Variants in RNF216 observed in about 807,000 individuals in gnomAD.
The protein encoded by RNF216 is ring finger protein 216, also known as E3 ubiquitin-protein ligase RNF216.
In RNF216, 72 loss-of-function variants were observed where a neutral mutation model predicts 110.8. The observed-to-expected ratio is 0.65, with a 90% CI of 0.54 to 0.79. The LOEUF is 0.79. Ranked by LOEUF, RNF216 falls within the 30% of genes least tolerant of loss-of-function variation. The probability of loss-of-function intolerance (pLI) is 0.00; values close to 1 mark genes in which losing one functional copy is unlikely to be tolerated. For synonymous variants in RNF216, 495 were observed against 407.5 expected, an observed-to-expected ratio of 1.21 and a Z score of -2.59; for missense variants, 1,342 against 1,141.2, an observed-to-expected ratio of 1.18 and a Z score of -2.54.
chr7:5,699,894 AG>A, intron 13 of RNF216, among the ~76,000 whole-genome samples: 1 of 152,354 alleles, frequency 6.6e-6, no homozygotes, highest in South Asian at 2.1e-4. Flanking sequence ...TCTCAAAGTC[AG>A]GGAAGACACT....
At chr7:5,661,749 G>A (rs1288025501) in intron 13 of RNF216, among the ~76,000 whole-genome samples, 1 of 152,182 alleles carries the variant, frequency 6.6e-6, no homozygotes, top group Non-Finnish European at 1.5e-5. Context: ...GTTGCAGTGA[G>A]CTGAGATTGT....
rs755049416 is a variant in RNF216, at chr7:5,635,290, CTTTTT to C, written c.2382+5859_2382+5863del. ...GATCACACCCACCCCACTAACTTCA[CTTTTT>C]TTTTTTTTTTTTTAACACACAATGA... On this transcript the variant is annotated intron_variant, in intron 15 of 16. Coordinates refer to ENST00000389902, the MANE Select transcript of RNF216 (RefSeq NM_207111.4). 4.4e-5 allele frequency among the ~76,000 whole-genome samples: 6 copies of C among 135,866 alleles called. No individual in the cohort carries two copies. The East Asian group carries it at 8.4e-4, about 19-fold the overall frequency. 89.1% of individuals were successfully genotyped at this position (135,866 alleles called of 152,430 possible). A position where few individuals can be genotyped will look rare whatever the true frequency, so the allele number is the denominator to read the frequency against.
chr7:5,660,833 G>C (rs2128585034), intron 13 of RNF216, among the ~76,000 whole-genome samples: 1 of 151,488 alleles, frequency 6.6e-6, no homozygotes, highest in Admixed American at 6.6e-5. Flanking sequence ...GCCTCCCAAA[G>C]TGCTGGGATT....
chr7:5,650,078 T>TGAATGTAGGAATGTGTCATCTCTATGAAG (rs1788294109), intron 14 of RNF216: 1 of 152,112 alleles, frequency 6.6e-6, no homozygotes, highest in South Asian at 2.1e-4. Flanking sequence ...AGAAATCCCT[T>TGAATGTAGGAATGTGTCATCTCTATGAAG]GAATGTAGGA....
At chr7:5,721,909 C>T (rs756676614) in intron 8 of RNF216, among the ~76,000 whole-genome samples, 3 of 152,190 alleles carry the variant, frequency 2.0e-5, no homozygotes, top group Non-Finnish European at 4.4e-5. Flanking sequence ...GTACTTGTTT[C>T]ACTGATTTGG....
At chr7:5,687,600 T>C (rs1791075076) in intron 13 of RNF216, among the ~76,000 whole-genome samples, 1 of 152,112 alleles carries the variant, frequency 6.6e-6, no homozygotes, top group South Asian at 2.1e-4. Context: ...CAAGCCTCTC[T>C]GCCTGCCCCT....
intron 13 of RNF216, among the ~76,000 whole-genome samples, chr7:5,707,351 T>C (rs1792359769): frequency 6.6e-6 from 1 of 152,334 alleles, no homozygotes; most frequent in East Asian, 1.9e-4. Context: ...CTTTACCCAC[T>C]CCTTGGTTAA....
chr7:5,632,638 G>A (rs750418086), intron 15 of RNF216, among the ~76,000 whole-genome samples: 1 of 152,122 alleles, frequency 6.6e-6, no homozygotes, highest in Non-Finnish European at 1.5e-5. Flanking sequence ...TTAGCCAGGC[G>A]TGGTGGTGGG....
At position 5,696,946 on chromosome 7, in the gene RNF216, G is replaced by A. The variant is rs1190232939; in HGVS notation, c.2061+14815C>T. 6.6e-6 allele frequency among the ~76,000 whole-genome samples: 1 copy of A among 152,064 alleles called. No homozygotes were observed. The highest frequency in any genetic ancestry group is 2.4e-5 in the African/African-American group (1 of 41,414). On this transcript the variant is annotated intron_variant, in intron 13 of 16. Transcript: ENST00000389902. This position sits in a 1 kb window ranked among gnomAD's most constrained non-coding sequence, Gnocchi z 5.4. ...ATCTACAAAATTCACCCTCCCACAA[G>A]CAGCATGTGATCCCACTGTGTCCCT...
chr7:5,760,230 G>A (rs1006617960), intron 2 of RNF216, among the ~76,000 whole-genome samples: 2 of 152,024 alleles, frequency 1.3e-5, no homozygotes, highest in Non-Finnish European at 2.9e-5. Context: ...AAAAACTGTA[G>A]AACAGTCTGG....
At chr7:5,664,636 G>T (rs908249911) in intron 13 of RNF216, among the ~76,000 whole-genome samples, 2 of 152,156 alleles carry the variant, frequency 1.3e-5, no homozygotes, top group Non-Finnish European at 2.9e-5. Context: ...CTGTGTCCCA[G>T]CCTGGCTCTC....
rs1012119967 is a variant in RNF216, at chr7:5,623,013, G to C, written c.2619C>G (p.Phe873Leu). Residue 873 changes from phenylalanine (F) to leucine (L), a missense_variant, in exon 17 of 17, where the codon TTC becomes TTG. Phe to Leu is a conservative substitution (Grantham distance 22). Transcript: ENST00000389902. The stretch of plus-strand genomic sequence containing the variant: ...GCCCCATGTTGAGTGGGAAGTTGTT[G>C]AACACAGGCCGCACGGGAGGCAGGG... The part of the protein sequence containing the change: ...PFPLPPVRPV[F>L]NNFPLNMGPI... The C allele has an allele frequency of 1.9e-6, 3 of 1,614,106 alleles. No individual in the cohort carries two copies. The highest frequency in any genetic ancestry group is 3.3e-5 in the Admixed American group (2 of 60,026).
intron 1 of RNF216, among the ~76,000 whole-genome samples, chr7:5,762,909 T>C (rs1796008776): frequency 6.6e-6 from 1 of 152,172 alleles, no homozygotes; most frequent in Non-Finnish European, 1.5e-5. Flanking sequence ...AGTGGGGTAG[T>C]AGACTTGTAT....
rs903035188 is a variant in RNF216, at chr7:5,647,336, T to C, written c.2159+5077A>G. 5.5e-3 allele frequency among the ~76,000 whole-genome samples: 801 copies of C among 145,474 alleles called. 11 individuals are homozygous for C. The highest frequency in any genetic ancestry group is 0.048 in the East Asian group (239 of 5,018). Reference sequence around the variant, plus strand: ...CTTCATTTTCTTTCTTTCTTTTTTTTTTTTTTTTTTTTTTTGAGATAGGGT... The same window carrying C: ...CTTCATTTTCTTTCTTTCTTTTTTTCTTTTTTTTTTTTTTTGAGATAGGGT... On this transcript the variant is annotated intron_variant, in intron 14 of 16. Coordinates refer to ENST00000389902, the MANE Select transcript of RNF216 (RefSeq NM_207111.4).
chr7:5,680,207 C>T lies in RNF216; in HGVS notation c.2062-27697G>A, dbSNP rs1206717347. On this transcript the variant is annotated intron_variant, in intron 13 of 16. Coordinates refer to ENST00000389902, the MANE Select transcript of RNF216 (RefSeq NM_207111.4). The surrounding 1 kb of genome is among the most constrained non-coding windows in gnomAD (Gnocchi z 4.3). Reference sequence around the variant, plus strand: ...ACACACGCTCCCCTCTACTTTAACACTCTGTGTCCTCTTCCGGAAGTCTCT... The same window carrying T: ...ACACACGCTCCCCTCTACTTTAACATTCTGTGTCCTCTTCCGGAAGTCTCT... 2 of 152,252 alleles carry T rather than the reference C, an allele frequency of 1.3e-5. No individual in the cohort carries two copies. Among genetic ancestry groups the T allele is most frequent in the Admixed American group, 6.5e-5 (1 of 15,288 alleles). The allele number at this position is 152,252 out of a possible 1,614,324, so 9.4% of individuals were successfully genotyped here.
intron 13 of RNF216, among the ~76,000 whole-genome samples, chr7:5,665,471 T>C (rs1789447775): frequency 6.6e-6 from 1 of 152,072 alleles, no homozygotes; most frequent in Non-Finnish European, 1.5e-5. Flanking sequence ...GTTATTTCTG[T>C]GGATTAGAAA....
intron 1 of RNF216, among the ~76,000 whole-genome samples, chr7:5,778,019 C>G (rs1337706372): frequency 6.6e-6 from 1 of 152,198 alleles, no homozygotes; most frequent in African/African-American, 2.4e-5. Flanking sequence ...AAAGGACATG[C>G]TTCTGCTTCT....
At chr7:5,643,559 G>T (rs1787871996) in intron 14 of RNF216, among the ~76,000 whole-genome samples, 1 of 152,064 alleles carries the variant, frequency 6.6e-6, no homozygotes, top group Admixed American at 6.6e-5. Context: ...GCCAGTGTGT[G>T]GGTAACTCCT....
chr7:5,624,337 T>C lies in RNF216; in HGVS notation c.2383-212A>G, dbSNP rs1450289409. ...CTGATGGCGTTCCACAAGGAGGCCATCCACAAGGCTGGGCAGAGGGGTCTG... is the reference window on the plus strand; with the variant it reads ...CTGATGGCGTTCCACAAGGAGGCCACCCACAAGGCTGGGCAGAGGGGTCTG... On this transcript the variant is annotated intron_variant, in intron 15 of 16. Coordinates refer to ENST00000389902, the MANE Select transcript of RNF216 (RefSeq NM_207111.4). The surrounding 1 kb of genome is among the most constrained non-coding windows in gnomAD (Gnocchi z 4.4). Among the ~76,000 whole-genome samples the C allele has an allele frequency of 1.3e-5, 2 of 152,194 alleles. No individual in the cohort carries two copies. The highest frequency in any genetic ancestry group is 1.3e-4 in the Admixed American group (2 of 15,286).
Sources: allele counts gnomAD v4.1 joint callset (sites outside exome capture counted in the v4.1 genomes callset), GRCh38; gene constraint gnomAD v4.1.1; non-coding constraint Gnocchi (gnomAD v3.1); transcripts MANE v1.5; gene names NCBI Gene and HGNC (gene_info 2026-07-23, HGNC 2026-07-21).